The following CABYR variants were observed in gnomAD, a reference collection of about 807,000 sequenced individuals.
CABYR encodes the protein calcium binding tyrosine phosphorylation regulated.
CABYR carries 31 observed loss-of-function variants against 36.1 expected under a neutral mutation model. That is an observed-to-expected ratio of 0.86 (90% CI 0.64 to 1.16). The LOEUF (loss-of-function observed/expected upper bound fraction) is 1.16. Among genes scored for constraint, CABYR ranks in the 50% most tolerant of loss-of-function variants. The pLI is 0.00. For missense variants in CABYR, 429 were observed against 455.8 expected, an observed-to-expected ratio of 0.94 and a Z score of 0.53; for synonymous variants, 146 against 160.7, an observed-to-expected ratio of 0.91 and a Z score of 0.69.
intron 3 of CABYR, among the ~76,000 whole-genome samples, chr18:24,149,953 A>G (rs2085576458): frequency 6.6e-6 from 1 of 152,232 alleles, no homozygotes; most frequent in Non-Finnish European, 1.5e-5. Context: ...ACCTGCCTGC[A>G]AGCTGAGGGA....
At chr18:24,149,619 G>C (rs1334265315) in intron 3 of CABYR, among the ~76,000 whole-genome samples, 4 of 152,238 alleles carry the variant, frequency 2.6e-5, no homozygotes, top group Admixed American at 2.0e-4. Context: ...TGCTCATCGG[G>C]GAGGCTCGGG....
chr18:24,144,910 C>T (rs2085423840), intron 3 of CABYR, among the ~76,000 whole-genome samples: 1 of 152,218 alleles, frequency 6.6e-6, no homozygotes, highest in African/African-American at 2.4e-5. Flanking sequence ...TCTGGCATAT[C>T]TAAGTCACAG....
rs1175032901 is a variant in CABYR, at chr18:24,143,277, A to T, written c.145+18A>T. On this transcript the variant is annotated intron_variant, in intron 2 of 5. Coordinates refer to ENST00000399496, the MANE Select transcript of CABYR (RefSeq NM_153769.3). Reference sequence around the variant, plus strand: ...GTATAGAGGTTTGTTATTCCTTTATATATTTGCTGCTTTGAAAAAGAAAAC... The same window carrying T: ...GTATAGAGGTTTGTTATTCCTTTATTTATTTGCTGCTTTGAAAAAGAAAAC... 2 of 1,603,238 alleles carry T rather than the reference A, an allele frequency of 1.2e-6. No homozygotes were observed. The highest frequency in any genetic ancestry group is 1.7e-6 in the Non-Finnish European group (2 of 1,176,404).
chr18:24,161,476 T>TTAAC (rs2085986054), intron 5 of CABYR, 40 bp from the exon 6 acceptor site: 2 of 778,586 alleles, frequency 2.6e-6, no homozygotes, highest in Admixed American at 1.7e-5. Context: ...GGTTTCATGT[T>TTAAC]TAACTTTAAA....
Position 24,159,806 on chromosome 18 carries a change from A to G in CABYR, c.876A>G (p.Ala292=). The change falls in exon 5 of 6, where the codon GCA becomes GCG. Residue 292 remains alanine (A), a synonymous_variant. Coordinates refer to ENST00000399496, the MANE Select transcript of CABYR (RefSeq NM_153769.3). ...VSQSDVLRYV[A]MQVPIAVPAD... ...AGTCAGATGTCTTGAGATATGTTGC[A>G]ATGCAAGTGCCCATTGCTGTTCCTG... The G allele has an allele frequency of 6.2e-7, 1 of 1,614,146 alleles. No homozygotes were observed. Among genetic ancestry groups the G allele is most frequent in the South Asian group, 1.1e-5 (1 of 91,074 alleles).
intron 1 of CABYR, among the ~76,000 whole-genome samples, chr18:24,141,334 T>C (rs1034334396): frequency 6.6e-6 from 1 of 152,214 alleles, no homozygotes; most frequent in Non-Finnish European, 1.5e-5. Flanking sequence ...ACTATGCCAC[T>C]TAACCCCGTG....
intron 1 of CABYR, among the ~76,000 whole-genome samples, chr18:24,140,735 C>T (rs2145848453): frequency 6.7e-6 from 1 of 149,434 alleles, no homozygotes; most frequent in South Asian, 2.1e-4. Flanking sequence ...CCATCCTTCT[C>T]TATGTCCGTG....
chr18:24,143,153 C>T lies in CABYR; in HGVS notation c.39C>T (p.Gly13=). 6.2e-7 allele frequency: 1 copy of T among 1,613,814 alleles called. No homozygotes were observed. Among genetic ancestry groups the T allele is most frequent in the Non-Finnish European group, 8.5e-7 (1 of 1,179,884 alleles). The part of the protein sequence containing the change: ...SSKPRLVVPY[G]LKTLLEGISR... ...AGCCCAGACTTGTCGTACCCTATGG[C>T]CTCAAGACTCTGCTCGAGGGAATTA... is the stretch of plus-strand genomic sequence containing the variant. Residue 13 remains glycine, a synonymous_variant, in exon 2 of 6, where the codon GGC becomes GGT. Coordinates refer to ENST00000399496, the MANE Select transcript of CABYR (RefSeq NM_153769.3).
At chr18:24,160,357 A>G (rs759344559) in intron 5 of CABYR, 34 of 351,902 alleles carry the variant, frequency 9.7e-5, no homozygotes, top group Admixed American at 6.7e-4. Context: ...TCTAACAAAC[A>G]CAGTGGTAGA....
intron 3 of CABYR, among the ~76,000 whole-genome samples, chr18:24,145,038 A>T (rs2085426318): frequency 6.6e-6 from 1 of 152,236 alleles, no homozygotes. Context: ...TGTGCCATAT[A>T]TTTAAGACAA....
rs895372794 is a variant in CABYR, at chr18:24,143,433, A to G, written c.199+20A>G. ...TTAAAGGTAAGTACCACAAGTAGTAATAGTTTTAATAATGATGTTTATTAA... is the reference window on the plus strand; with the variant it reads ...TTAAAGGTAAGTACCACAAGTAGTAGTAGTTTTAATAATGATGTTTATTAA... On this transcript the variant is annotated intron_variant, in intron 3 of 5. Transcript: ENST00000399496. 17 of 1,354,706 alleles carry G rather than the reference A, an allele frequency of 1.3e-5. No homozygotes were observed. The highest frequency in any genetic ancestry group is 1.7e-5 in the Non-Finnish European group (17 of 973,570). 83.9% of individuals were successfully genotyped at this position (1,354,706 alleles called of 1,614,324 possible). A position where few individuals can be genotyped will look rare whatever the true frequency, so the allele number is the denominator to read the frequency against.
chr18:24,155,963 A>T lies in CABYR; in HGVS notation c.462A>T (p.Ser154=), dbSNP rs761284668. ...PATPKTTTPP[S]SPPPTAVSPE... is the part of the protein sequence containing the mutation. Reference sequence around the variant, plus strand: ...CCCCTAAGACTACTACCCCACCCTCATCACCACCTCCAACAGCTGTCTCAC... The same window carrying T: ...CCCCTAAGACTACTACCCCACCCTCTTCACCACCTCCAACAGCTGTCTCAC... The change falls in exon 4 of 6, where the codon TCA becomes TCT. Residue 154 remains serine, a synonymous_variant. Coordinates refer to ENST00000399496, the MANE Select transcript of CABYR (RefSeq NM_153769.3). 13 of 1,613,990 alleles carry T rather than the reference A, an allele frequency of 8.1e-6. No individual in the cohort carries two copies. The highest frequency in any genetic ancestry group is 1.0e-5 in the Non-Finnish European group (12 of 1,180,030).
chr18:24,157,346 G>T (rs1272794569), intron 4 of CABYR, among the ~76,000 whole-genome samples: 1 of 152,144 alleles, frequency 6.6e-6, no homozygotes, highest in Non-Finnish European at 1.5e-5. Flanking sequence ...TAATTAGAGG[G>T]TGTTGGTTTG....
chr18:24,152,369 A>G (rs1056692443), intron 3 of CABYR, among the ~76,000 whole-genome samples: 3 of 152,220 alleles, frequency 2.0e-5, no homozygotes, highest in Admixed American at 1.3e-4. Flanking sequence ...GGAGGCCTGA[A>G]GCTTGGAACA....
At position 24,156,136 on chromosome 18, in the gene CABYR, C is replaced by T. The variant is rs145081373; in HGVS notation, c.541+94C>T. On this transcript the variant is annotated intron_variant, in intron 4 of 5. Coordinates refer to ENST00000399496, the MANE Select transcript of CABYR (RefSeq NM_153769.3). The stretch of plus-strand genomic sequence containing the variant: ...GTTGTTATCAAGGAGGTGCCAAGCT[C>T]AGAGGCTGCTGAAGATGTCATGGTG... 54 of 1,614,070 alleles carry T rather than the reference C, an allele frequency of 3.3e-5. No homozygotes were observed. The highest frequency in any genetic ancestry group is 2.4e-4 in the African/African-American group (18 of 74,916).
intron 3 of CABYR, among the ~76,000 whole-genome samples, chr18:24,146,799 G>A (rs529084341): frequency 1.3e-5 from 2 of 152,214 alleles, no homozygotes; most frequent in East Asian, 3.9e-4. Flanking sequence ...ACAATAATAA[G>A]ACAAATAGGT....
intron 4 of CABYR, among the ~76,000 whole-genome samples, chr18:24,158,273 G>A (rs886180851): frequency 1.3e-5 from 2 of 150,574 alleles, no homozygotes; most frequent in Non-Finnish European, 3.0e-5. Context: ...GAAAGTATCT[G>A]AAGCTGTTGG....
At chr18:24,157,093 GTCTT>G in intron 4 of CABYR, 1 of 900,026 alleles carries the variant, frequency 1.1e-6, no homozygotes, top group Non-Finnish European at 1.7e-6. Flanking sequence ...AGATTGGTCA[GTCTT>G]TATTTTCAAT....
rs377432277 is a variant in CABYR, at chr18:24,158,444, G to A, written c.542-1028G>A. On this transcript the variant is annotated intron_variant, in intron 4 of 5. Coordinates refer to ENST00000399496, the MANE Select transcript of CABYR (RefSeq NM_153769.3). Reference sequence around the variant, plus strand: ...AGTGATTCTCCTGCCTCAGCCTTCCGAGTAGCTGGGATTACAGGCATGCGC... The same window carrying A: ...AGTGATTCTCCTGCCTCAGCCTTCCAAGTAGCTGGGATTACAGGCATGCGC... 4.6e-4 allele frequency among the ~76,000 whole-genome samples: 69 copies of A among 150,076 alleles called. No individual in the cohort carries two copies. In the East Asian group the frequency reaches 6.2e-3, roughly 13 times the overall value.
Sources: gnomAD v4.1 joint callset for allele counts (sites outside exome capture counted in the v4.1 genomes callset) on GRCh38, gnomAD v4.1.1 for gene constraint, MANE v1.5 for transcripts, NCBI Gene and HGNC (gene_info 2026-07-23, HGNC 2026-07-21) for gene names.